The following TBC1D1 variants were observed in gnomAD, a reference collection of about 807,000 sequenced individuals.
TBC1D1 encodes TBC1 (tre-2/USP6, BUB2, cdc16) domain family, member 1.
Under a neutral mutation model 125.6 loss-of-function variants are expected in TBC1D1, and 89 were observed. The observed-to-expected ratio is 0.71, with a 90% CI of 0.60 to 0.85. TBC1D1 has a LOEUF of 0.85. TBC1D1 is among the 40% of genes least tolerant of loss of function. The pLI, the probability that TBC1D1 is intolerant of heterozygous loss-of-function variation, is 0.00. For missense variants in TBC1D1, 1,377 were observed against 1,469.2 expected, an observed-to-expected ratio of 0.94 and a Z score of 1.03; for synonymous variants, 565 against 564.1, an observed-to-expected ratio of 1.00 and a Z score of -0.02.
intron 2 of TBC1D1, among the ~76,000 whole-genome samples, chr4:38,003,166 T>C (rs1739398339): frequency 6.6e-6 from 1 of 152,232 alleles, no homozygotes; most frequent in Non-Finnish European, 1.5e-5. Flanking sequence ...ATGTATGAAT[T>C]GTGAATAAAA....
intron 1 of TBC1D1, among the ~76,000 whole-genome samples, chr4:37,893,862 C>T (rs550052567): frequency 6.6e-6 from 1 of 152,294 alleles, no homozygotes; most frequent in Non-Finnish European, 1.5e-5. Context: ...GGTTTTCAGT[C>T]AGAACTGTTA....
intron 12 of TBC1D1, among the ~76,000 whole-genome samples, chr4:38,065,823 CT>C (rs1291090730): frequency 6.6e-6 from 1 of 151,814 alleles, no homozygotes; most frequent in Non-Finnish European, 1.5e-5. Context: ...TTTTTTGTAT[CT>C]TTTTTAGTAG....
intron 18 of TBC1D1, 71 bp from the exon 21 acceptor site, chr4:38,133,013 T>G: frequency 7.0e-7 from 1 of 1,427,132 alleles, no homozygotes; most frequent in South Asian, 1.3e-5. Context: ...TTGTCGTGAT[T>G]GCAGACGCCT....
chr4:38,057,934 C>T (rs979066020), intron 12 of TBC1D1, among the ~76,000 whole-genome samples: 3 of 152,184 alleles, frequency 2.0e-5, no homozygotes, highest in Non-Finnish European at 2.9e-5. Flanking sequence ...CAGGACGCTG[C>T]GGGACCCTCT....
intron 18 of TBC1D1, among the ~76,000 whole-genome samples, chr4:38,130,843 GTTT>G: frequency 6.6e-6 from 1 of 152,346 alleles, no homozygotes; most frequent in Admixed American, 6.5e-5. Context: ...AAAGGATTGG[GTTT>G]TTAATGTTAG....
At chr4:38,118,332 G>C (rs1763309517) in intron 17 of TBC1D1, 140 bp downstream of exon 19, 4 of 1,053,198 alleles carry the variant, frequency 3.8e-6, no homozygotes, top group Non-Finnish European at 5.4e-6. Flanking sequence ...TCTAAGATTA[G>C]TCAGGGGTGG....
intron 2 of TBC1D1, chr4:37,960,953 A>T (rs760044264): frequency 3.7e-6 from 6 of 1,614,146 alleles, no homozygotes; most frequent in Non-Finnish European, 4.2e-6. Context: ...CCTCTCCACC[A>T]TGGGAATGCA....
chr4:38,058,361 A>G (rs1160689120), intron 12 of TBC1D1, among the ~76,000 whole-genome samples: 2 of 152,204 alleles, frequency 1.3e-5, no homozygotes, highest in Non-Finnish European at 2.9e-5. Context: ...AAGACAGTTT[A>G]GAGCTCTGAG....
chr4:38,031,475 A>C (rs1407069720), intron 7 of TBC1D1, among the ~76,000 whole-genome samples: 2 of 152,152 alleles, frequency 1.3e-5, no homozygotes, highest in African/African-American at 2.4e-5. Flanking sequence ...AAGATGTTAG[A>C]CTGTAGTGTC....
chr4:37,901,787 C>T (rs1238448837), intron 1 of TBC1D1, among the ~76,000 whole-genome samples: 1 of 79,136 alleles, frequency 1.3e-5, no homozygotes, highest in East Asian at 3.5e-4. Flanking sequence ...TCCCAGTGGG[C>T]TCTTTGTTAC....
At chr4:37,911,737 A>G (rs571275326) in intron 2 of TBC1D1, among the ~76,000 whole-genome samples, 1 of 152,334 alleles carries the variant, frequency 6.6e-6, no homozygotes, top group Admixed American at 6.5e-5. Context: ...CAAACAACGC[A>G]TGATTGTGCC....
intron 18 of TBC1D1, chr4:38,132,802 GT>G (rs61642658): frequency 0.069 from 11,290 of 162,968 alleles, 422 homozygotes; most frequent in African/African-American, 0.16. Flanking sequence ...AAAATGAGAG[GT>G]TTTTTTTTTT....
At chr4:38,015,003 C>A in intron 3 of TBC1D1, 30 bp downstream of exon 3, 1 of 1,499,938 alleles carries the variant, frequency 6.7e-7, no homozygotes, top group South Asian at 1.3e-5. Context: ...GTGCACAGCC[C>A]CAGTCTGCCA....
chr4:38,124,868 C>T (rs1009912740), intron 17 of TBC1D1, 94 bp from the exon 20 acceptor site: 5 of 1,067,188 alleles, frequency 4.7e-6, no homozygotes, highest in Admixed American at 4.3e-5. Context: ...ATGTCTCCCA[C>T]ACTCCTGCTC....
At chr4:37,980,011 T>G (rs1436398101) in intron 2 of TBC1D1, among the ~76,000 whole-genome samples, 1 of 152,194 alleles carries the variant, frequency 6.6e-6, no homozygotes, top group Admixed American at 6.5e-5. Context: ...AGTCCCGACC[T>G]CAGGTGATCC....
chr4:38,138,524 C>T lies in TBC1D1; in HGVS notation c.*1189C>T, dbSNP rs1366956685. 2 of 152,524 alleles carry T rather than the reference C, an allele frequency of 1.3e-5. No individual in the cohort carries two copies. The highest frequency in any genetic ancestry group is 2.1e-4 in the South Asian group (1 of 4,828). The allele number at this position is 152,524 out of a possible 1,614,324, so 9.4% of individuals were successfully genotyped here. The stretch of plus-strand genomic sequence containing the variant: ...TGACAGCTGACAGTTTTTCAGAGGT[C>T]GCACACAGTGACTCTCCTCTCTCAG... On this transcript the variant is annotated 3_prime_UTR_variant, in exon 20 of 20. Transcript: ENST00000261439.
chr4:37,935,948 A>T (rs1241966657), intron 2 of TBC1D1, among the ~76,000 whole-genome samples: 2 of 152,014 alleles, frequency 1.3e-5, no homozygotes, highest in Admixed American at 6.6e-5. Context: ...CAGCTGGCTA[A>T]CTCTAACTCA....
In TBC1D1 at chr4:38,014,402, C is replaced by G; in HGVS notation, c.418-107C>G. 9.1e-7 allele frequency: 1 copy of G among 1,102,090 alleles called. No individual in the cohort carries two copies. The highest frequency in any genetic ancestry group is 1.4e-5 in the South Asian group (1 of 69,316). 68.3% of individuals were successfully genotyped at this position (1,102,090 alleles called of 1,614,324 possible). On this transcript the variant is annotated intron_variant, in intron 2 of 19. Coordinates refer to ENST00000261439, the MANE Select transcript of TBC1D1 (RefSeq NM_015173.4). This position sits in a 1 kb window ranked among gnomAD's most constrained non-coding sequence, Gnocchi z 5.1. ...TCCAGTGGGCTCCTCCTCCAGTGCT[C>G]CGCAGTGGAGTAGCCAGCGGGGCGT...
intron 2 of TBC1D1, among the ~76,000 whole-genome samples, chr4:37,982,592 C>T (rs927004696): frequency 2.0e-5 from 3 of 152,046 alleles, no homozygotes; most frequent in Non-Finnish European, 4.4e-5. Flanking sequence ...ACTCTAGTTG[C>T]TTAGAGTGTG....
Sources: gnomAD v4.1 joint callset for allele counts (sites outside exome capture counted in the v4.1 genomes callset) on GRCh38, gnomAD v4.1.1 for gene constraint, Gnocchi (gnomAD v3.1) non-coding constraint, MANE v1.5 for transcripts, NCBI Gene and HGNC (gene_info 2026-07-23, HGNC 2026-07-21) for gene names.